Variants in CFAP299 observed in about 807,000 individuals in gnomAD.
CFAP299 encodes the protein cilia- and flagella-associated protein 299.
A neutral mutation model predicts 27.0 loss-of-function variants in CFAP299; 21 were observed. The observed-to-expected ratio is 0.78, with a 90% confidence interval of 0.55 to 1.12. CFAP299 has a LOEUF of 1.12. CFAP299 is among the 50% of genes most tolerant of loss of function. The pLI, the probability that CFAP299 is intolerant of heterozygous loss-of-function variation, is 0.00. For missense variants in CFAP299, 310 were observed against 276.6 expected, an observed-to-expected ratio of 1.12 and a Z score of -0.86; for synonymous variants, 104 against 98.1, an observed-to-expected ratio of 1.06 and a Z score of -0.36.
intron 2 of CFAP299, among the ~76,000 whole-genome samples, chr4:80,446,591 T>G (rs903113518): frequency 6.6e-6 from 1 of 152,168 alleles, no homozygotes; most frequent in Non-Finnish European, 1.5e-5. Context: ...TTTTCCAGCT[T>G]AGATCCTTCT....
chr4:80,392,508 TAGTG>T (rs1408813598), intron 2 of CFAP299, among the ~76,000 whole-genome samples: 2 of 152,176 alleles, frequency 1.3e-5, no homozygotes, highest in Admixed American at 1.3e-4. Flanking sequence ...GTTCTCATGA[TAGTG>T]AGTGAGGTCT....
intron 3 of CFAP299, among the ~76,000 whole-genome samples, chr4:80,597,653 T>G (rs985756750): frequency 6.6e-6 from 1 of 152,200 alleles, no homozygotes; most frequent in Non-Finnish European, 1.5e-5. Context: ...AGTTTTATTG[T>G]TTTTATGTTT....
intron 3 of CFAP299, among the ~76,000 whole-genome samples, chr4:80,781,267 G>A (rs1342443100): frequency 1.3e-5 from 2 of 151,868 alleles, no homozygotes; most frequent in East Asian, 3.9e-4. Flanking sequence ...TGATCCTTAA[G>A]ACCTTAAAGT....
intron 3 of CFAP299, among the ~76,000 whole-genome samples, chr4:80,696,758 A>G (rs1721120920): frequency 6.6e-6 from 1 of 152,178 alleles, no homozygotes; most frequent in Non-Finnish European, 1.5e-5. Context: ...TGGCTACAAG[A>G]ACAATGGAAA....
At chr4:80,386,045 T>A (rs528696546) in intron 2 of CFAP299, 81 of 430,252 alleles carry the variant, frequency 1.9e-4, no homozygotes, top group Non-Finnish European at 3.0e-4. Context: ...GGTTTATGAA[T>A]GACATTCAGA....
intron 2 of CFAP299, among the ~76,000 whole-genome samples, chr4:80,410,115 A>T (rs1338151115): frequency 6.6e-6 from 1 of 152,228 alleles, no homozygotes; most frequent in African/African-American, 2.4e-5. Context: ...AAAGGTTATT[A>T]TAGGGAAGAT....
chr4:80,872,732 G>T, intron 4 of CFAP299: 1 of 177,292 alleles, frequency 5.6e-6, no homozygotes, highest in Non-Finnish European at 1.1e-5. Flanking sequence ...ATTAGATTGG[G>T]TATCTTTTAT....
chr4:80,835,478 A>G (rs1730513746), intron 3 of CFAP299, among the ~76,000 whole-genome samples: 1 of 145,608 alleles, frequency 6.9e-6, no homozygotes, highest in Non-Finnish European at 1.5e-5. Flanking sequence ...TAGCACCCAC[A>G]TTAAAAAAAA....
chr4:80,916,252 AATATATATATATATATATATAT>A (rs10696316), intron 4 of CFAP299, among the ~76,000 whole-genome samples: 681 of 60,962 alleles, frequency 0.011, 45 homozygotes, highest in African/African-American at 0.029. Context: ...ACTAGACTGA[AATATATATATATATATATATAT>A]ATATATATAT....
At chr4:80,799,640 A>T (rs1295485345) in intron 3 of CFAP299, among the ~76,000 whole-genome samples, 1 of 40,196 alleles carries the variant, frequency 2.5e-5, no homozygotes, top group African/African-American at 1.1e-4. Context: ...ATAATATATA[A>T]AATATATATT....
At chr4:80,713,231 G>A (rs1251976980) in intron 3 of CFAP299, among the ~76,000 whole-genome samples, 2 of 152,156 alleles carry the variant, frequency 1.3e-5, no homozygotes, top group African/African-American at 4.8e-5. Flanking sequence ...GAAGGGAAAA[G>A]AGAGGAAGCT....
At chr4:80,513,925 G>A (rs1247168717) in intron 2 of CFAP299, among the ~76,000 whole-genome samples, 4 of 152,010 alleles carry the variant, frequency 2.6e-5, no homozygotes, top group Admixed American at 1.3e-4. Flanking sequence ...TAACCCATAT[G>A]TTTAAATATG....
chr4:80,403,608 A>T (rs1159184062), intron 2 of CFAP299, among the ~76,000 whole-genome samples: 1 of 152,016 alleles, frequency 6.6e-6, no homozygotes, highest in Non-Finnish European at 1.5e-5. Flanking sequence ...TTTAGTTCAT[A>T]TGTCATCTTT....
chr4:80,400,359 T>C (rs551142985), intron 2 of CFAP299, among the ~76,000 whole-genome samples: 2 of 152,242 alleles, frequency 1.3e-5, no homozygotes, highest in South Asian at 4.1e-4. Flanking sequence ...TGATATGGCT[T>C]GGTTGTGCCC....
chr4:80,447,464 G>T (rs1432282143), intron 2 of CFAP299, among the ~76,000 whole-genome samples: 2 of 150,514 alleles, frequency 1.3e-5, no homozygotes, highest in Non-Finnish European at 3.0e-5. Flanking sequence ...ACAGAGTCTT[G>T]CTCTGTCACC....
chr4:80,502,664 G>A (rs377136898), intron 2 of CFAP299, among the ~76,000 whole-genome samples: 8 of 151,980 alleles, frequency 5.3e-5, no homozygotes, highest in East Asian at 1.9e-4. Flanking sequence ...GTCTGCTTCC[G>A]TGGATTCTTT....
rs541432717 is a variant in CFAP299, at chr4:80,380,342, GATTA to G, written c.242+17464_242+17467del. On this transcript the variant is annotated intron_variant, in intron 2 of 5. Transcript: ENST00000358105. ...CCAATATTGGTGACAGCTCGCTAGT[GATTA>G]ATTAAAGACCAAATAAAATTACATT... is the stretch of plus-strand genomic sequence containing the variant. Among the ~76,000 whole-genome samples the G allele has an allele frequency of 5.7e-4, 85 of 150,048 alleles. 1 individual carries two copies. Among genetic ancestry groups the G allele is most frequent in the Non-Finnish European group, 7.7e-4 (52 of 67,738 alleles).
chr4:80,771,113 G>A (rs1203780181), intron 3 of CFAP299, among the ~76,000 whole-genome samples: 1 of 152,064 alleles, frequency 6.6e-6, no homozygotes, highest in South Asian at 2.1e-4. Flanking sequence ...GGAGTCATGC[G>A]GGCCGTTTGA....
chr4:80,390,649 G>GTATATATGTA (rs1578389443), intron 2 of CFAP299, among the ~76,000 whole-genome samples: 2 of 78,030 alleles, frequency 2.6e-5, no homozygotes, highest in Admixed American at 1.2e-4. Context: ...ATATATGTAT[G>GTATATATGTA]TACACACATA....
Sources: gnomAD v4.1 joint callset for allele counts (sites outside exome capture counted in the v4.1 genomes callset) on GRCh38, gnomAD v4.1.1 for gene constraint, MANE v1.5 for transcripts, NCBI Gene and HGNC (gene_info 2026-07-23, HGNC 2026-07-21) for gene names.